Variants in CUBN observed in about 807,000 individuals in gnomAD.
CUBN encodes cubilin, also known as 460 kDa receptor.
CUBN carries 282 observed loss-of-function variants against 405.3 expected under a neutral mutation model. That is an observed-to-expected ratio of 0.70 (90% CI 0.63 to 0.77). The LOEUF is 0.77. Ranked by LOEUF, CUBN falls within the 30% of genes least tolerant of loss-of-function variation. CUBN has a pLI of 0.00. For missense variants in CUBN, 4,514 were observed against 4,475.2 expected (o/e 1.01, Z -0.25); for synonymous variants, 1,684 against 1,617.0 (o/e 1.04, Z -0.99).
chr10:17,050,680 C>T (rs186983067), intron 22 of CUBN, among the ~76,000 whole-genome samples: 107 of 152,238 alleles, frequency 7.0e-4, no homozygotes, highest in Admixed American at 6.5e-4. Context: ...ACCTCCTTAA[C>T]ACCTCAGGCA....
chr10:16,845,305 A>G (rs896543562), intron 60 of CUBN, among the ~76,000 whole-genome samples: 4 of 152,146 alleles, frequency 2.6e-5, no homozygotes, highest in African/African-American at 9.7e-5. Flanking sequence ...ATCTTTTAAT[A>G]TTTTCCTGGG....
At chr10:17,066,164 A>G (rs1310417919) in intron 21 of CUBN, among the ~76,000 whole-genome samples, 3 of 152,132 alleles carry the variant, frequency 2.0e-5, no homozygotes, top group Non-Finnish European at 4.4e-5. Context: ...CGTAACCCCT[A>G]TAGAGGGAAT....
intron 14 of CUBN, among the ~76,000 whole-genome samples, chr10:17,095,482 G>A (rs912223475): frequency 3.3e-5 from 5 of 151,878 alleles, no homozygotes; most frequent in Non-Finnish European, 7.4e-5. Flanking sequence ...ACATATAAAT[G>A]GTCAACAAAT....
intron 59 of CUBN, among the ~76,000 whole-genome samples, chr10:16,864,129 T>C (rs767139312): frequency 2.0e-5 from 3 of 152,236 alleles, no homozygotes; most frequent in Non-Finnish European, 4.4e-5. Context: ...GTAGGCACAA[T>C]TTATCCATTT....
At chr10:16,924,007 G>T (rs550927493) in intron 43 of CUBN, among the ~76,000 whole-genome samples, 3 of 152,290 alleles carry the variant, frequency 2.0e-5, no homozygotes, top group South Asian at 2.1e-4. Context: ...GGAGGCAGAG[G>T]TTGCAGTAGG....
chr10:16,953,325 T>C (rs1842968807), intron 32 of CUBN, among the ~76,000 whole-genome samples: 2 of 152,192 alleles, frequency 1.3e-5, no homozygotes, highest in Non-Finnish European at 2.9e-5. Flanking sequence ...GAATATAGTC[T>C]GTCTTGCTCC....
At chr10:17,081,310 T>A (rs1323621793) in intron 17 of CUBN, among the ~76,000 whole-genome samples, 1 of 152,172 alleles carries the variant, frequency 6.6e-6, no homozygotes, top group Admixed American at 6.5e-5. Flanking sequence ...CCTATTCACA[T>A]GCAAAGTAAA....
At chr10:17,106,358 T>C (rs1396107041) in intron 10 of CUBN, among the ~76,000 whole-genome samples, 6 of 146,372 alleles carry the variant, frequency 4.1e-5, no homozygotes, top group Admixed American at 2.8e-4. Flanking sequence ...TCCCTGAACT[T>C]TGGGAGGCCG....
chr10:16,984,302 A>C (rs752238305), intron 29 of CUBN, 23 bp from the exon 30 acceptor site: 1 of 1,611,768 alleles, frequency 6.2e-7, no homozygotes, highest in Non-Finnish European at 8.5e-7. Context: ...GTAGGAAAAA[A>C]GACTTTAAAA....
intron 48 of CUBN, among the ~76,000 whole-genome samples, chr10:16,913,176 G>A (rs1488053949): frequency 6.6e-6 from 1 of 152,190 alleles, no homozygotes; most frequent in Non-Finnish European, 1.5e-5. Context: ...AACAAACACT[G>A]CAGAAGGGGC....
At chr10:17,040,929 G>A in intron 27 of CUBN, 104 bp downstream of exon 27, 2 of 1,057,850 alleles carry the variant, frequency 1.9e-6, no homozygotes, top group Non-Finnish European at 2.9e-6. Flanking sequence ...TAGATGCGTG[G>A]GGCAGAGTTA....
At chr10:16,971,353 T>C (rs891605435) in intron 31 of CUBN, among the ~76,000 whole-genome samples, 1 of 152,208 alleles carries the variant, frequency 6.6e-6, no homozygotes, top group Non-Finnish European at 1.5e-5. Flanking sequence ...CCGGCCTTCA[T>C]GAATCCCTGG....
intron 43 of CUBN, among the ~76,000 whole-genome samples, chr10:16,922,184 C>T (rs1249748086): frequency 1.3e-5 from 2 of 152,024 alleles, no homozygotes; most frequent in Admixed American, 1.3e-4. Flanking sequence ...CAGTGTCTGT[C>T]CCATGGAAAG....
At chr10:16,955,473 C>G (rs1039938970) in intron 31 of CUBN, among the ~76,000 whole-genome samples, 2 of 151,254 alleles carry the variant, frequency 1.3e-5, no homozygotes, top group Non-Finnish European at 2.9e-5. Flanking sequence ...TGGGACCTAG[C>G]TGACCCTCCA....
At chr10:16,899,762 G>A (rs968506721) in intron 53 of CUBN, among the ~76,000 whole-genome samples, 3 of 152,210 alleles carry the variant, frequency 2.0e-5, no homozygotes, top group African/African-American at 7.2e-5. Flanking sequence ...GGCATTCTCC[G>A]AATCTTTTGC....
chr10:16,902,100 T>A (rs989856871), intron 51 of CUBN, among the ~76,000 whole-genome samples: 1 of 134,546 alleles, frequency 7.4e-6, no homozygotes, highest in South Asian at 2.3e-4. Context: ...TATATATATA[T>A]ACACACACAC....
intron 54 of CUBN, among the ~76,000 whole-genome samples, chr10:16,892,033 C>G (rs1052142381): frequency 6.6e-6 from 1 of 152,174 alleles, no homozygotes. Flanking sequence ...CACATCTCTT[C>G]TCAAGGATAT....
intron 17 of CUBN, among the ~76,000 whole-genome samples, chr10:17,082,318 A>G (rs977925347): frequency 2.0e-5 from 3 of 152,230 alleles, no homozygotes; most frequent in African/African-American, 7.2e-5. Context: ...AGTTAGGTGA[A>G]CTAACTTTAA....
At chr10:17,118,441 TGTTTTGTTTC>T (rs1009551892) in intron 6 of CUBN, among the ~76,000 whole-genome samples, 43 of 152,324 alleles carry the variant, frequency 2.8e-4, no homozygotes, top group Admixed American at 9.2e-4. Flanking sequence ...CTTTTTGTTT[TGTTTTGTTTC>T]GTTTTGTTTT....
Sources: allele counts gnomAD v4.1 joint callset (sites outside exome capture counted in the v4.1 genomes callset), GRCh38; gene constraint gnomAD v4.1.1; transcripts MANE v1.5; gene names NCBI Gene and HGNC (gene_info 2026-07-23, HGNC 2026-07-21).